DOCK1: variants seen among roughly 807,000 people sequenced by gnomAD.
DOCK1 encodes dedicator of cytokinesis 1, also known as dedicator of cytokinesis protein 1.
Under a neutral mutation model 262.7 loss-of-function variants are expected in DOCK1, and 138 were observed. That is an observed-to-expected ratio of 0.53 (90% confidence interval 0.46 to 0.61). The LOEUF is 0.61. Among genes scored for constraint, DOCK1 ranks in the 20% least tolerant of loss-of-function variants. The pLI, the probability that DOCK1 is intolerant of heterozygous loss-of-function variation, is 0.00. For missense variants in DOCK1, 1,908 were observed against 2,370.7 expected, an observed-to-expected ratio of 0.80 and a Z score of 4.05; for synonymous variants, 866 against 867.4, an observed-to-expected ratio of 1.00 and a Z score of 0.03.
At chr10:127,111,180 A>C (rs553625501) in intron 25 of DOCK1, among the ~76,000 whole-genome samples, 1 of 152,180 alleles carries the variant, frequency 6.6e-6, no homozygotes, top group South Asian at 2.1e-4. Context: ...TTTGGAACAC[A>C]CTCTGTGCTT....
At chr10:127,287,458 A>G (rs539773195) in intron 29 of DOCK1, among the ~76,000 whole-genome samples, 208 of 151,928 alleles carry the variant, frequency 1.4e-3, no homozygotes, top group African/African-American at 4.8e-3. Flanking sequence ...CCAAAATGCT[A>G]GGATTACAGG....
At chr10:127,380,636 A>G (rs2065775425) in intron 36 of DOCK1, among the ~76,000 whole-genome samples, 1 of 152,106 alleles carries the variant, frequency 6.6e-6, no homozygotes. Flanking sequence ...TGCTCCCTGG[A>G]GTGAGGGACT....
At chr10:127,013,407 A>C (rs2041623500) in intron 12 of DOCK1, 1 of 152,214 alleles carries the variant, frequency 6.6e-6, no homozygotes, top group African/African-American at 2.4e-5. Context: ...AGTCACTCTC[A>C]GGCTGGGAGT....
At chr10:127,203,645 GTTT>G (rs57030573) in intron 27 of DOCK1, among the ~76,000 whole-genome samples, 138,546 of 143,470 alleles carry the variant, frequency 0.97, 66,883 homozygotes, top group East Asian at 0.99. Context: ...TTCCGTAAAC[GTTT>G]TTTTTTTTTT....
intron 23 of DOCK1, among the ~76,000 whole-genome samples, chr10:127,086,368 A>G (rs1056381445): frequency 1.3e-5 from 2 of 152,046 alleles, no homozygotes; most frequent in South Asian, 2.1e-4. Context: ...TAACATTTTT[A>G]TCTGAAATGC....
At chr10:127,119,062 G>A (rs1483905384) in intron 25 of DOCK1, among the ~76,000 whole-genome samples, 2 of 65,664 alleles carry the variant, frequency 3.0e-5, no homozygotes, top group South Asian at 9.3e-4. Context: ...TTTTTTTTTT[G>A]AGACGGAGTC....
chr10:127,451,184 C>A, intron 51 of DOCK1, 148 bp from the exon 52 acceptor site: 1 of 851,530 alleles, frequency 1.2e-6, no homozygotes, highest in Non-Finnish European at 1.8e-6. Context: ...GACCTGCCAG[C>A]CCCAAGTCGG....
chr10:126,910,853 T>C (rs556200465), intron 1 of DOCK1, among the ~76,000 whole-genome samples: 1 of 152,094 alleles, frequency 6.6e-6, no homozygotes, highest in Non-Finnish European at 1.5e-5. Context: ...CGGGATTGGC[T>C]TTTTTCACTC....
chr10:126,943,818 G>T (rs1272328164), intron 1 of DOCK1, among the ~76,000 whole-genome samples: 1 of 152,108 alleles, frequency 6.6e-6, no homozygotes, highest in Non-Finnish European at 1.5e-5. Flanking sequence ...CATCAGTTTA[G>T]CTGAGGGCCC....
At chr10:127,258,300 C>T (rs2059897452) in intron 29 of DOCK1, among the ~76,000 whole-genome samples, 1 of 152,168 alleles carries the variant, frequency 6.6e-6, no homozygotes, top group South Asian at 2.1e-4. Flanking sequence ...TCTCCCCTCC[C>T]CACTCCACCA....
intron 18 of DOCK1, among the ~76,000 whole-genome samples, chr10:127,036,006 A>G (rs2043573224): frequency 8.2e-6 from 1 of 121,438 alleles, no homozygotes; most frequent in Non-Finnish European, 1.8e-5. Flanking sequence ...TGTCTCAAAA[A>G]TAAATAAATA....
At chr10:127,320,190 C>T (rs1590426200) in intron 29 of DOCK1, among the ~76,000 whole-genome samples, 1 of 151,922 alleles carries the variant, frequency 6.6e-6, no homozygotes, top group Non-Finnish European at 1.5e-5. Context: ...TGACCTTTGA[C>T]TCACCTCTTT....
At chr10:127,221,951 G>A (rs2058451644) in intron 27 of DOCK1, among the ~76,000 whole-genome samples, 1 of 152,228 alleles carries the variant, frequency 6.6e-6, no homozygotes, top group African/African-American at 2.4e-5. Flanking sequence ...GTTCTCCAAA[G>A]CAGTAGAGAC....
chr10:127,362,661 T>A (rs537926587), intron 33 of DOCK1, among the ~76,000 whole-genome samples: 8 of 152,284 alleles, frequency 5.3e-5, no homozygotes, highest in South Asian at 2.1e-4. Context: ...ATGGAACTGA[T>A]GAAAATTCTC....
chr10:127,237,046 T>C (rs1426508123), intron 27 of DOCK1, among the ~76,000 whole-genome samples: 1 of 152,158 alleles, frequency 6.6e-6, no homozygotes, highest in African/African-American at 2.4e-5. Flanking sequence ...CATTTATCTA[T>C]ATAACTTTTG....
intron 29 of DOCK1, among the ~76,000 whole-genome samples, chr10:127,323,814 G>A (rs142983923): frequency 7.6e-4 from 115 of 152,258 alleles, no homozygotes; most frequent in African/African-American, 2.1e-3. Context: ...TGATCAATGC[G>A]AGCCCCCTTC....
chr10:127,426,497 G>A (rs2068826113), intron 47 of DOCK1, among the ~76,000 whole-genome samples: 1 of 152,192 alleles, frequency 6.6e-6, no homozygotes, highest in Non-Finnish European at 1.5e-5. Context: ...TCTGGAGTGT[G>A]AAATTATTAG....
At chr10:127,312,652 C>T (rs555369890) in intron 29 of DOCK1, among the ~76,000 whole-genome samples, 1 of 152,276 alleles carries the variant, frequency 6.6e-6, no homozygotes, top group African/African-American at 2.4e-5. Flanking sequence ...TCCCAGTGGG[C>T]TTGTTGAGTG....
intron 47 of DOCK1, among the ~76,000 whole-genome samples, chr10:127,429,811 G>A (rs537819653): frequency 3.3e-5 from 5 of 152,226 alleles, no homozygotes; most frequent in African/African-American, 7.2e-5. Flanking sequence ...TGCCCTCACC[G>A]GCCCACAGCG....
Sources: allele counts gnomAD v4.1 joint callset (sites outside exome capture counted in the v4.1 genomes callset), GRCh38; gene constraint gnomAD v4.1.1; transcripts MANE v1.5; gene names NCBI Gene and HGNC (gene_info 2026-07-23, HGNC 2026-07-21).